The following AOPEP variants were observed in gnomAD, a reference collection of about 807,000 sequenced individuals.
AOPEP encodes aminopeptidase O.
AOPEP carries 77 observed loss-of-function variants against 98.1 expected under a neutral mutation model. That is an observed-to-expected ratio of 0.78 (90% CI 0.65 to 0.95). AOPEP has a LOEUF of 0.95. Ranked by LOEUF, AOPEP falls within the 40% of genes least tolerant of loss-of-function variation. AOPEP has a pLI of 0.00. For synonymous variants in AOPEP, 346 were observed against 365.3 expected, an observed-to-expected ratio of 0.95 and a Z score of 0.60; for missense variants, 1,024 against 1,024.7, an observed-to-expected ratio of 1.00 and a Z score of 0.01.
intron 14 of AOPEP, among the ~76,000 whole-genome samples, chr9:95,065,707 C>T (rs1401166711): frequency 1.3e-5 from 2 of 152,196 alleles, no homozygotes; most frequent in South Asian, 2.1e-4. Context: ...ATACAAGGAA[C>T]CAGGTCCCCC....
intron 5 of AOPEP, among the ~76,000 whole-genome samples, chr9:94,828,746 T>C (rs1429205759): frequency 7.3e-5 from 11 of 151,650 alleles, no homozygotes; most frequent in African/African-American, 1.2e-4. Context: ...TATATATATA[T>C]ACACACACAC....
At chr9:94,932,090 C>T in intron 7 of AOPEP, 1 of 1,067,758 alleles carries the variant, frequency 9.4e-7, no homozygotes, top group Non-Finnish European at 1.1e-6. Context: ...GTTCCCTATA[C>T]CATATTCCTG....
chr9:94,818,066 G>T (rs1426694874), intron 5 of AOPEP, among the ~76,000 whole-genome samples: 1 of 152,118 alleles, frequency 6.6e-6, no homozygotes, highest in African/African-American at 2.4e-5. Flanking sequence ...ACCTCTGCTT[G>T]TCGCCCAAGA....
chr9:94,859,506 T>G (rs563264180), intron 5 of AOPEP, among the ~76,000 whole-genome samples: 12 of 152,344 alleles, frequency 7.9e-5, no homozygotes, highest in African/African-American at 2.9e-4. Context: ...TCATTACATC[T>G]GCAAAGACCC....
intron 3 of AOPEP, among the ~76,000 whole-genome samples, chr9:94,789,454 T>A (rs1301923317): frequency 6.6e-6 from 1 of 152,202 alleles, no homozygotes; most frequent in African/African-American, 2.4e-5. Flanking sequence ...GTGTTTTTTT[T>A]AGGATTTTTT....
At chr9:94,736,748 C>CA (rs1481564255) in intron 1 of AOPEP, among the ~76,000 whole-genome samples, 1 of 151,446 alleles carries the variant, frequency 6.6e-6, no homozygotes, top group Admixed American at 6.6e-5. Flanking sequence ...CTTGGGCCCA[C>CA]AGTGCGCAAA....
chr9:94,877,648 T>C (rs977557639), intron 5 of AOPEP, among the ~76,000 whole-genome samples: 1 of 152,116 alleles, frequency 6.6e-6, no homozygotes, highest in Middle Eastern at 3.2e-3. Context: ...CTGGAACTCC[T>C]GACCTCAAGT....
intron 9 of AOPEP, among the ~76,000 whole-genome samples, chr9:94,967,111 T>C (rs373170383): frequency 6.9e-4 from 105 of 152,122 alleles, no homozygotes; most frequent in Non-Finnish European, 7.1e-4. Flanking sequence ...AAATTTTCCA[T>C]AGTAAAGGAA....
intron 7 of AOPEP, among the ~76,000 whole-genome samples, chr9:94,940,792 G>C (rs1210170970): frequency 2.0e-5 from 3 of 151,966 alleles, no homozygotes; most frequent in Non-Finnish European, 4.4e-5. Flanking sequence ...GATTTCCTCA[G>C]CCTGGCTCGT....
the AOPEP span, chr9:95,107,405 G>A: frequency 1.4e-5 from 13 of 940,566 alleles, no homozygotes; most frequent in Non-Finnish European, 2.0e-5. Flanking sequence ...CTAGGCAGCG[G>A]CCGAATTTAC....
the AOPEP span, among the ~76,000 whole-genome samples, chr9:95,116,739 G>A: frequency 6.6e-6 from 1 of 152,192 alleles, no homozygotes; most frequent in Non-Finnish European, 1.5e-5. Context: ...AACACCAGTC[G>A]AATGAAGGCT....
At chr9:95,138,262 A>C in the AOPEP span, among the ~76,000 whole-genome samples, 4 of 152,306 alleles carry the variant, frequency 2.6e-5, no homozygotes, top group Non-Finnish European at 4.4e-5. Context: ...GGAGGGGTGC[A>C]AGAAGCCAGG....
intron 1 of AOPEP, among the ~76,000 whole-genome samples, chr9:94,743,235 AGAAGAAGAG>A (rs1192852454): frequency 4.2e-5 from 6 of 141,654 alleles, no homozygotes; most frequent in Admixed American, 7.0e-5. Flanking sequence ...AAGAAGAGGA[AGAAGAAGAG>A]GAAGAAGAGG....
chr9:94,883,620 C>A (rs2047850580), intron 5 of AOPEP, among the ~76,000 whole-genome samples: 1 of 152,106 alleles, frequency 6.6e-6, no homozygotes. Flanking sequence ...GTATTAATAC[C>A]AAGGCTTTCT....
intron 5 of AOPEP, among the ~76,000 whole-genome samples, chr9:94,885,895 G>T (rs1013407832): frequency 1.3e-5 from 2 of 152,140 alleles, no homozygotes; most frequent in African/African-American, 4.8e-5. Context: ...TATATTTAAA[G>T]AGTTGCCTTT....
intron 16 of AOPEP, chr9:95,086,377 G>C: frequency 1.0e-6 from 1 of 985,446 alleles, no homozygotes; most frequent in African/African-American, 1.7e-5. Flanking sequence ...CTCCCACGGC[G>C]AGGTGAGCTG....
chr9:94,729,778 T>G (rs1434825163), intron 1 of AOPEP, among the ~76,000 whole-genome samples: 1 of 152,052 alleles, frequency 6.6e-6, no homozygotes, highest in East Asian at 1.9e-4. Context: ...CCAAATGTCT[T>G]CTGAGGGGCA....
At chr9:95,108,637 T>TTAAAG in the AOPEP span, among the ~76,000 whole-genome samples, 4 of 152,242 alleles carry the variant, frequency 2.6e-5, no homozygotes, top group Non-Finnish European at 2.9e-5. Flanking sequence ...TCTTTTCTTT[T>TTAAAG]TAAAGTATTT....
intron 5 of AOPEP, among the ~76,000 whole-genome samples, chr9:94,829,229 C>T (rs1387341127): frequency 6.6e-6 from 1 of 152,056 alleles, no homozygotes; most frequent in Non-Finnish European, 1.5e-5. Flanking sequence ...CGCACACACA[C>T]ACATAATTAC....
Sources: allele counts gnomAD v4.1 joint callset (sites outside exome capture counted in the v4.1 genomes callset), GRCh38; gene constraint gnomAD v4.1.1; transcripts MANE v1.5; gene names NCBI Gene and HGNC (gene_info 2026-07-23, HGNC 2026-07-21).